Variants in GALNT16 observed in about 807,000 individuals in gnomAD.
GALNT16 encodes the protein polypeptide N-acetylgalactosaminyltransferase 16.
Under a neutral mutation model 76.1 loss-of-function variants are expected in GALNT16, and 40 were observed. The ratio of observed to expected loss-of-function variants is 0.53; its 90% CI spans 0.41 to 0.68. The LOEUF (loss-of-function observed/expected upper bound fraction) is 0.68, where lower values mean the gene tolerates loss of function less well. Ranked by LOEUF, GALNT16 falls within the 30% of genes least tolerant of loss-of-function variation. The pLI, the probability that GALNT16 is intolerant of heterozygous loss-of-function variation, is 0.00. For synonymous variants in GALNT16, 276 were observed against 285.2 expected (o/e 0.97, Z 0.32); for missense variants, 621 against 731.9 (o/e 0.85, Z 1.75).
At chr14:69,296,964 T>A (rs1336269138) in intron 1 of GALNT16, among the ~76,000 whole-genome samples, 1 of 152,238 alleles carries the variant, frequency 6.6e-6, no homozygotes, top group African/African-American at 2.4e-5. Flanking sequence ...GACAGCTTCC[T>A]CATTCTTTTA....
chr14:69,337,967 G>C (rs748017987), intron 9 of GALNT16, among the ~76,000 whole-genome samples: 6 of 152,206 alleles, frequency 3.9e-5, no homozygotes, highest in Non-Finnish European at 5.9e-5. Context: ...TGTCAAGGTG[G>C]GTCCTTACCA....
At chr14:69,277,339 A>C (rs898131265) in intron 1 of GALNT16, among the ~76,000 whole-genome samples, 1 of 152,336 alleles carries the variant, frequency 6.6e-6, no homozygotes, top group East Asian at 1.9e-4. Flanking sequence ...CGTCATTTAC[A>C]TTAGGTATAT....
chr14:69,309,901 T>G (rs1277579084), intron 1 of GALNT16, among the ~76,000 whole-genome samples: 1 of 152,226 alleles, frequency 6.6e-6, no homozygotes, highest in African/African-American at 2.4e-5. Flanking sequence ...TTCTTTATAC[T>G]TTTAAGTTTC....
At chr14:69,324,450 G>A (rs2045249788) in intron 2 of GALNT16, among the ~76,000 whole-genome samples, 1 of 152,072 alleles carries the variant, frequency 6.6e-6, no homozygotes. Context: ...GAGCCCCCAG[G>A]CCTTGGAAGG....
intron 1 of GALNT16, among the ~76,000 whole-genome samples, chr14:69,304,500 G>C (rs2044903401): frequency 6.6e-6 from 1 of 152,132 alleles, no homozygotes; most frequent in Admixed American, 6.5e-5. Context: ...AAATTTTGAA[G>C]TGTAAAATCC....
At chr14:69,264,953 A>G (rs1026293558) in intron 1 of GALNT16, among the ~76,000 whole-genome samples, 3 of 151,406 alleles carry the variant, frequency 2.0e-5, no homozygotes, top group African/African-American at 7.3e-5. Flanking sequence ...AGCTAGGACT[A>G]CAAGTGTGTG....
chr14:69,299,384 C>T lies in GALNT16; in HGVS notation c.178-21327C>T, dbSNP rs1346682823. On this transcript the variant is annotated intron_variant, in intron 1 of 14. Transcript: ENST00000448469. ...CTCGGAGACGGAGGTTTGCATGCAG[C>T]AAGTTTATCTGGCAGTACTTTGGAA... Among the ~76,000 whole-genome samples, 3 of 152,172 alleles carry T rather than the reference C, an allele frequency of 2.0e-5. No homozygotes were observed. In the South Asian group the frequency reaches 6.2e-4, roughly 31 times the overall value.
chr14:69,347,485 T>C (rs571784334), intron 13 of GALNT16, among the ~76,000 whole-genome samples: 22 of 152,310 alleles, frequency 1.4e-4, no homozygotes, highest in African/African-American at 3.8e-4. Flanking sequence ...CCAAGACTCC[T>C]GTGCGCACAT....
At chr14:69,344,018 G>T (rs571032037) in intron 12 of GALNT16, among the ~76,000 whole-genome samples, 12 of 152,242 alleles carry the variant, frequency 7.9e-5, no homozygotes, top group Middle Eastern at 3.2e-3. Context: ...CCTAGGCTGA[G>T]GGGCCAGGAG....
At chr14:69,262,809 G>A (rs2044293696) in intron 1 of GALNT16, among the ~76,000 whole-genome samples, 1 of 152,220 alleles carries the variant, frequency 6.6e-6, no homozygotes, top group Admixed American at 6.5e-5. Context: ...CTGAATGTAA[G>A]TGATGCATGC....
chr14:69,301,636 G>C (rs1566871557), intron 1 of GALNT16, among the ~76,000 whole-genome samples: 1 of 151,840 alleles, frequency 6.6e-6, no homozygotes, highest in Non-Finnish European at 1.5e-5. Context: ...ACTGCACCCA[G>C]CCCAAAGTAT....
Position 69,352,239 on chromosome 14 carries a change from T to C in GALNT16, c.*71T>C. On this transcript the variant is annotated 3_prime_UTR_variant, in exon 15 of 15. Transcript: ENST00000448469. Reference sequence around the variant, plus strand: ...CCGGAAGGGGGTTAGGGTGGGGGAGTGCAAAGTGGGCTGTTCCCATCTCCT... The same window carrying C: ...CCGGAAGGGGGTTAGGGTGGGGGAGCGCAAAGTGGGCTGTTCCCATCTCCT... 7.4e-7 allele frequency: 1 copy of C among 1,356,450 alleles called. No homozygotes were observed. The highest frequency in any genetic ancestry group is 1.0e-6 in the Non-Finnish European group (1 of 997,518). The allele number at this position is 1,356,450 out of a possible 1,614,324, so 84.0% of individuals were successfully genotyped here.
rs1049033547 is a variant in GALNT16 at position 69,279,265 on chromosome 14, G to T, written c.177+18798G>T. ...TAAATTTTAATATTTTGTTCATTAA[G>T]AATTTTTTGCATTAATTTTGATTTT... On this transcript the variant is annotated intron_variant, in intron 1 of 14. Coordinates refer to ENST00000448469, the MANE Select transcript of GALNT16 (RefSeq NM_001168368.2). Among the ~76,000 whole-genome samples, 4 of 152,272 alleles carry T rather than the reference G, an allele frequency of 2.6e-5. No individual in the cohort carries two copies. In the East Asian group the frequency reaches 7.7e-4, roughly 29 times the overall value.
At chr14:69,305,467 C>T (rs1330375309) in intron 1 of GALNT16, among the ~76,000 whole-genome samples, 1 of 152,040 alleles carries the variant, frequency 6.6e-6, no homozygotes, top group African/African-American at 2.4e-5. Context: ...CTAGCCCTGA[C>T]AAGTATTTTA....
At chr14:69,322,925 GGTGTGTGTGTGTGTGTGTGTGTGTGTGT>G (rs766188989) in intron 2 of GALNT16, among the ~76,000 whole-genome samples, 13 of 103,850 alleles carry the variant, frequency 1.3e-4, no homozygotes, top group Middle Eastern at 4.5e-3. Flanking sequence ...TGGCTCACGG[GGTGTGTGTGTGTGTGTGTGTGTGTGTGT>G]GTGTGTGTGT....
chr14:69,371,544 C>T, the GALNT16 span, among the ~76,000 whole-genome samples: 3 of 151,980 alleles, frequency 2.0e-5, no homozygotes, highest in East Asian at 3.9e-4. Context: ...GCGTTAGCCA[C>T]CACACCCGGC....
At chr14:69,336,566 A>C (rs1594860619) in intron 9 of GALNT16, among the ~76,000 whole-genome samples, 1 of 150,014 alleles carries the variant, frequency 6.7e-6, no homozygotes, top group Non-Finnish European at 1.5e-5. Flanking sequence ...TATAGTGACA[A>C]CTCCCCTCAT....
At chr14:69,341,650 G>T in intron 11 of GALNT16, 31 bp from the exon 12 acceptor site, 1 of 1,524,970 alleles carries the variant, frequency 6.6e-7, no homozygotes, top group Non-Finnish European at 9.0e-7. Flanking sequence ...ACACTGGCAG[G>T]CCAAAGCCCA....
intron 12 of GALNT16, among the ~76,000 whole-genome samples, chr14:69,343,019 C>G (rs999061207): frequency 2.0e-5 from 3 of 152,220 alleles, no homozygotes; most frequent in Non-Finnish European, 4.4e-5. Flanking sequence ...AGGCTTTGAT[C>G]TGTTTGTTCA....
Sources: gnomAD v4.1 joint callset for allele counts (sites outside exome capture counted in the v4.1 genomes callset) on GRCh38, gnomAD v4.1.1 for gene constraint, MANE v1.5 for transcripts, NCBI Gene and HGNC (gene_info 2026-07-23, HGNC 2026-07-21) for gene names.